The following ARHGAP44 variants were observed in gnomAD, a reference collection of about 807,000 sequenced individuals.
The protein encoded by ARHGAP44 is rho GTPase-activating protein 44.
A neutral mutation model predicts 106.8 loss-of-function variants in ARHGAP44; 43 were observed. The ratio of observed to expected loss-of-function variants is 0.40; its 90% CI spans 0.32 to 0.52. ARHGAP44 has a LOEUF of 0.52. Ranked by LOEUF, ARHGAP44 falls within the 20% of genes least tolerant of loss-of-function variation. The pLI is 0.48. For synonymous variants in ARHGAP44, 439 were observed against 410.3 expected, an observed-to-expected ratio of 1.07 and a Z score of -0.85; for missense variants, 866 against 1,050.5, an observed-to-expected ratio of 0.82 and a Z score of 2.43.
intron 17 of ARHGAP44, 138 bp from the exon 18 acceptor site, chr17:12,973,951 C>A: frequency 1.1e-6 from 1 of 900,530 alleles, no homozygotes; most frequent in Non-Finnish European, 1.7e-6. Context: ...GCCCCCAATG[C>A]ATCGCTTCCC....
rs542090263 is a variant in ARHGAP44, at chr17:12,965,667, A to G, written c.1523+6770A>G. Reference sequence around the variant, plus strand: ...TTGAAACCAGTTTCTTTAGTGTATGACTTCTTAGAGTCTTTAACATGCTGT... The same window carrying G: ...TTGAAACCAGTTTCTTTAGTGTATGGCTTCTTAGAGTCTTTAACATGCTGT... On this transcript the variant is annotated intron_variant, in intron 16 of 20. Coordinates refer to ENST00000379672, the MANE Select transcript of ARHGAP44 (RefSeq NM_014859.6). Among the ~76,000 whole-genome samples the G allele has an allele frequency of 2.6e-5, 4 of 152,274 alleles. No individual in the cohort carries two copies. In the East Asian group the frequency reaches 7.7e-4, roughly 29 times the overall value.
chr17:12,969,244 TC>T (rs35736781), intron 16 of ARHGAP44, among the ~76,000 whole-genome samples: 2 of 152,056 alleles, frequency 1.3e-5, no homozygotes, highest in African/African-American at 4.8e-5. Flanking sequence ...AGTATCCTTT[TC>T]CCCCCTTTAT....
intron 1 of ARHGAP44, among the ~76,000 whole-genome samples, chr17:12,841,178 A>G (rs1251105148): frequency 6.6e-6 from 1 of 152,200 alleles, no homozygotes; most frequent in Admixed American, 6.5e-5. Context: ...TCCTGGGCCA[A>G]CAGCAACCTG....
At chr17:12,893,161 A>C (rs1231862337) in intron 1 of ARHGAP44, among the ~76,000 whole-genome samples, 2 of 152,104 alleles carry the variant, frequency 1.3e-5, no homozygotes, top group African/African-American at 4.8e-5. Flanking sequence ...GTAGAAGTCC[A>C]GATTCCCCAC....
intron 1 of ARHGAP44, among the ~76,000 whole-genome samples, chr17:12,823,074 A>G (rs1203176115): frequency 2.0e-5 from 3 of 152,178 alleles, no homozygotes; most frequent in African/African-American, 7.2e-5. Context: ...ATCCCTCTTG[A>G]CAGCAGATGC....
rs1393865671 is a variant in ARHGAP44, at chr17:12,847,595, G to T, written c.54-47345G>T. Among the ~76,000 whole-genome samples, 5 of 144,926 alleles carry T rather than the reference G, an allele frequency of 3.5e-5. No individual in the cohort carries two copies. In the Admixed American group the frequency reaches 3.5e-4, roughly 10 times the overall value. ...GTGGTGCGATCTCGGCTCACTGCAA[G>T]CTCCGCCTCCTGGGTTCACGCCATT... On this transcript the variant is annotated intron_variant, in intron 1 of 20. Coordinates refer to ENST00000379672, the MANE Select transcript of ARHGAP44 (RefSeq NM_014859.6).
In ARHGAP44 at chr17:12,860,078, G is replaced by A. The variant is rs2036024711; in HGVS notation, c.54-34862G>A. Among the ~76,000 whole-genome samples, 2 of 148,664 alleles carry A rather than the reference G, an allele frequency of 1.3e-5. 1 individual carries two copies. Among genetic ancestry groups the A allele is most frequent in the South Asian group, 4.4e-4 (2 of 4,546 alleles). On this transcript the variant is annotated intron_variant, in intron 1 of 20. Transcript: ENST00000379672. ...GGGCTGGACTCCAAGTAGTTGGTTG[G>A]CATATCAAAGGCATGCCCACAAGTG...
Position 12,789,789 on chromosome 17 carries a change from G to A in ARHGAP44, c.-50G>A. On this transcript the variant is annotated 5_prime_UTR_variant, in exon 1 of 21. Transcript: ENST00000379672. ...CATGTAACCCTGCGGCGGGCTCCGG[G>A]CTGCTCCGTCCTTCCCCAGCTCCCG... is the stretch of plus-strand genomic sequence containing the variant. The A allele has an allele frequency of 3.4e-6, 5 of 1,474,028 alleles. No homozygotes were observed. The highest frequency in any genetic ancestry group is 4.5e-6 in the Non-Finnish European group (5 of 1,112,836). 91.3% of individuals were successfully genotyped at this position (1,474,028 alleles called of 1,614,324 possible).
intron 5 of ARHGAP44, among the ~76,000 whole-genome samples, chr17:12,918,636 T>C (rs1251321283): frequency 6.6e-6 from 1 of 152,192 alleles, no homozygotes; most frequent in Non-Finnish European, 1.5e-5. Context: ...AATATAAACA[T>C]TTGCTTCCTT....
intron 4 of ARHGAP44, among the ~76,000 whole-genome samples, chr17:12,911,720 TG>T (rs2037743775): frequency 6.6e-6 from 1 of 152,144 alleles, no homozygotes; most frequent in Non-Finnish European, 1.5e-5. Flanking sequence ...ATCTCTAGAA[TG>T]GGGGACTCCC....
chr17:12,980,443 G>T (rs1311041528), intron 19 of ARHGAP44, among the ~76,000 whole-genome samples: 1 of 152,178 alleles, frequency 6.6e-6, no homozygotes, highest in Admixed American at 6.5e-5. Flanking sequence ...CTCATTAGGG[G>T]CGTATAGAGG....
chr17:12,985,479 G>A (rs1291427026), intron 20 of ARHGAP44: 2 of 152,296 alleles, frequency 1.3e-5, no homozygotes, highest in East Asian at 1.9e-4. Flanking sequence ...TCCCTGAGGA[G>A]CTAATTGGAC....
At chr17:12,820,810 T>TGTGATTTTATGTTATC (rs1567631142) in intron 1 of ARHGAP44, among the ~76,000 whole-genome samples, 1 of 151,918 alleles carries the variant, frequency 6.6e-6, no homozygotes, top group East Asian at 1.9e-4. Flanking sequence ...TTTATGTTAT[T>TGTGATTTTATGTTATC]CCAGTGTGAT....
intron 7 of ARHGAP44, among the ~76,000 whole-genome samples, chr17:12,933,995 C>T (rs532027521): frequency 1.3e-4 from 20 of 151,960 alleles, no homozygotes; most frequent in African/African-American, 4.3e-4. Flanking sequence ...ATTACAAGCG[C>T]CTGCCACCAT....
chr17:12,875,356 G>T (rs540160716), intron 1 of ARHGAP44, among the ~76,000 whole-genome samples: 155 of 152,310 alleles, frequency 1.0e-3, no homozygotes, highest in Admixed American at 1.9e-3. Flanking sequence ...GACTTTGGGA[G>T]GCCAAGGCAG....
At chr17:12,910,567 T>G (rs570257358) in intron 4 of ARHGAP44, among the ~76,000 whole-genome samples, 4 of 144,182 alleles carry the variant, frequency 2.8e-5, no homozygotes, top group African/African-American at 1.0e-4. Context: ...TGCCTCCACC[T>G]CCCGAGTAGC....
At chr17:12,989,438 C>T (rs1430298503) in intron 20 of ARHGAP44, among the ~76,000 whole-genome samples, 1 of 152,126 alleles carries the variant, frequency 6.6e-6, no homozygotes, top group Non-Finnish European at 1.5e-5. Flanking sequence ...CCTTTTAATG[C>T]TCCTAATAAA....
chr17:12,881,514 C>T (rs1015696317), intron 1 of ARHGAP44, among the ~76,000 whole-genome samples: 3 of 151,982 alleles, frequency 2.0e-5, no homozygotes, highest in African/African-American at 7.3e-5. Context: ...TGAACATACC[C>T]TTCCTTCTGT....
Position 12,958,659 on chromosome 17 carries a change from C to T in ARHGAP44, c.1343-58C>T. The T allele has an allele frequency of 6.4e-7, 1 of 1,554,170 alleles. No individual in the cohort carries two copies. Among genetic ancestry groups the T allele is most frequent in the African/African-American group, 1.4e-5 (1 of 73,980 alleles). The stretch of plus-strand genomic sequence containing the variant: ...GGTGTCTGGACTCATTCCTCCCCTG[C>T]CCAGGAAGGGTGTGGCAGACCAAGA... On this transcript the variant is annotated intron_variant, in intron 15 of 20. Coordinates refer to ENST00000379672, the MANE Select transcript of ARHGAP44 (RefSeq NM_014859.6). This position sits in a 1 kb window ranked among gnomAD's most constrained non-coding sequence, Gnocchi z 4.1.
Sources: allele counts gnomAD v4.1 joint callset (sites outside exome capture counted in the v4.1 genomes callset), GRCh38; gene constraint gnomAD v4.1.1; non-coding constraint Gnocchi (gnomAD v3.1); transcripts MANE v1.5; gene names NCBI Gene and HGNC (gene_info 2026-07-23, HGNC 2026-07-21).